The following ADD1 variants were observed in gnomAD, a reference collection of about 807,000 sequenced individuals.
ADD1 encodes alpha-adducin.
In ADD1, 24 loss-of-function variants were observed where a neutral mutation model predicts 80.5. That is an observed-to-expected ratio of 0.30 (90% CI 0.22 to 0.42). The LOEUF (loss-of-function observed/expected upper bound fraction) is 0.42, where lower values mean the gene tolerates loss of function less well. Ranked by LOEUF, ADD1 falls within the 10% of genes least tolerant of loss-of-function variation. ADD1 has a pLI of 1.00. For synonymous variants in ADD1, 373 were observed against 393.8 expected, an observed-to-expected ratio of 0.95 and a Z score of 0.63; for missense variants, 948 against 1,019.0, an observed-to-expected ratio of 0.93 and a Z score of 0.95.
intron 9 of ADD1, chr4:2,901,918 C>CTTTTTCTTTTTT (rs1736258255): frequency 1.4e-5 from 2 of 146,886 alleles, no homozygotes; most frequent in Non-Finnish European, 3.0e-5. Context: ...TATATATTTT[C>CTTTTTCTTTTTT]TCTTTCTTTT....
Position 2,911,023 on chromosome 4 carries a change from T to A in ADD1, c.1791+1592T>A, listed in dbSNP as rs539475821. Among the ~76,000 whole-genome samples the A allele has an allele frequency of 1.1e-4, 17 of 152,326 alleles. No homozygotes were observed. In the South Asian group the frequency reaches 2.9e-3, roughly 26 times the overall value. On this transcript the variant is annotated intron_variant, in intron 13 of 15. Transcript: ENST00000683351. ...ATGTGCTTTGGCTCCATGGGAGTCC[T>A]TTACTGGGCAATTGTTCCACTTCCT...
chr4:2,899,754 A>G (rs1272887687), intron 9 of ADD1: 7 of 396,608 alleles, frequency 1.8e-5, no homozygotes, highest in Admixed American at 7.6e-5. Context: ...CAAGCAAGCG[A>G]GAGAGGTGGC....
At chr4:2,922,246 C>A (rs936882428) in intron 14 of ADD1, among the ~76,000 whole-genome samples, 2 of 151,174 alleles carry the variant, frequency 1.3e-5, no homozygotes, top group African/African-American at 4.9e-5. Context: ...AGCCTTTTTG[C>A]ACTGGTTTTT....
chr4:2,856,528 A>G (rs982536911), intron 1 of ADD1, among the ~76,000 whole-genome samples: 1 of 136,310 alleles, frequency 7.3e-6, no homozygotes, highest in Non-Finnish European at 1.6e-5. Flanking sequence ...CTTTTGGAAT[A>G]TTTACTGTTC....
chr4:2,870,502 T>G (rs1017207663), intron 1 of ADD1, among the ~76,000 whole-genome samples: 2 of 151,778 alleles, frequency 1.3e-5, no homozygotes, highest in African/African-American at 4.8e-5. Context: ...GAGAGTGCTG[T>G]TCAGTCAGGA....
At chr4:2,888,649 C>T (rs181340487) in intron 4 of ADD1, among the ~76,000 whole-genome samples, 2 of 151,692 alleles carry the variant, frequency 1.3e-5, no homozygotes, top group Non-Finnish European at 2.9e-5. Flanking sequence ...AACTCCTGAC[C>T]TCAAGTGATC....
chr4:2,872,224 G>C (rs1180989188), intron 1 of ADD1, among the ~76,000 whole-genome samples: 1 of 152,130 alleles, frequency 6.6e-6, no homozygotes, highest in Non-Finnish European at 1.5e-5. Context: ...TGTTGTCTGT[G>C]TTTATTTGAA....
intron 1 of ADD1, among the ~76,000 whole-genome samples, chr4:2,868,877 A>G (rs994139448): frequency 1.3e-5 from 2 of 152,150 alleles, no homozygotes; most frequent in African/African-American, 4.8e-5. Context: ...TTCGAGTTGG[A>G]TATTGAGAAT....
At chr4:2,850,304 C>A (rs963108814) in intron 1 of ADD1, among the ~76,000 whole-genome samples, 2 of 152,240 alleles carry the variant, frequency 1.3e-5, no homozygotes, top group Non-Finnish European at 2.9e-5. Flanking sequence ...ATCTCACTCT[C>A]TTGCCCAGGC....
chr4:2,922,750 C>T (rs912264140), intron 14 of ADD1, among the ~76,000 whole-genome samples: 6 of 152,210 alleles, frequency 3.9e-5, no homozygotes, highest in African/African-American at 1.4e-4. Context: ...CAACCCTTCC[C>T]CCAGGTGCTC....
intron 4 of ADD1, among the ~76,000 whole-genome samples, chr4:2,884,872 T>G (rs1270400194): frequency 6.6e-6 from 1 of 152,208 alleles, no homozygotes; most frequent in Non-Finnish European, 1.5e-5. Context: ...CTTGAAAATT[T>G]CTTTCTTGCG....
chr4:2,890,058 G>A lies in ADD1; in HGVS notation c.511-3955G>A, dbSNP rs538317636. Among the ~76,000 whole-genome samples the A allele has an allele frequency of 2.4e-4, 36 of 151,770 alleles. No individual in the cohort carries two copies. In the South Asian group the frequency reaches 5.4e-3, roughly 23 times the overall value. On this transcript the variant is annotated intron_variant, in intron 4 of 15. Transcript: ENST00000683351. ...GCTAAAAATGCAAAATTAGCCAGGC[G>A]TGGTGGCGCGCACCTGTAATCCCAG... is the stretch of plus-strand genomic sequence containing the variant.
At chr4:2,875,486 A>G (rs914366370) in intron 1 of ADD1, among the ~76,000 whole-genome samples, 3 of 152,222 alleles carry the variant, frequency 2.0e-5, no homozygotes, top group African/African-American at 7.2e-5. Context: ...CTTATGGGAA[A>G]AAAAATCAGA....
At chr4:2,850,564 T>C (rs1726924117) in intron 1 of ADD1, among the ~76,000 whole-genome samples, 1 of 152,090 alleles carries the variant, frequency 6.6e-6, no homozygotes, top group Admixed American at 6.5e-5. Context: ...TAGCTGGGAC[T>C]ACAGGCGCCT....
intron 1 of ADD1, among the ~76,000 whole-genome samples, chr4:2,860,399 C>A (rs1033644861): frequency 1.5e-4 from 23 of 152,190 alleles, no homozygotes; most frequent in African/African-American, 5.3e-4. Flanking sequence ...GAGTGGCGAA[C>A]TTGTGAGTGA....
At chr4:2,864,577 T>C (rs1005175207) in intron 1 of ADD1, among the ~76,000 whole-genome samples, 3 of 152,218 alleles carry the variant, frequency 2.0e-5, no homozygotes, top group African/African-American at 4.8e-5. Flanking sequence ...TTTATTAGAA[T>C]GTATCTGAGA....
rs1335311890 is a variant in ADD1, at chr4:2,894,736, G to C, written c.741+5G>C. On this transcript the variant is annotated splice_donor_5th_base_variant and intron_variant, in intron 6 of 15. Coordinates refer to ENST00000683351, the MANE Select transcript of ADD1 (RefSeq NM_001354761.2). Reference sequence around the variant, plus strand: ...CACACCCCAGCAGGGGCTGCGGTGAGTGGCTGCCCTGGTAGCATCTCAAGG... The same window carrying C: ...CACACCCCAGCAGGGGCTGCGGTGACTGGCTGCCCTGGTAGCATCTCAAGG... The C allele has an allele frequency of 6.3e-7, 1 of 1,592,768 alleles. No individual in the cohort carries two copies. Among genetic ancestry groups the C allele is most frequent in the Non-Finnish European group, 8.5e-7 (1 of 1,173,798 alleles).
Position 2,926,092 on chromosome 4 carries a change from C to G in ADD1, c.2027C>G (p.Thr676Ser). The G allele has an allele frequency of 3.7e-6, 6 of 1,614,152 alleles. No individual in the cohort carries two copies. The highest frequency in any genetic ancestry group is 4.2e-6 in the Non-Finnish European group (5 of 1,179,996). The stretch of plus-strand genomic sequence containing the variant: ...GCGGTCCCCCACCCGCCTCCCAGCA[C>G]TCCCATCAAGCTGGAGGAAGGTGAG... The part of the protein sequence containing the change: ...QPAVPHPPPS[T>S]PIKLEEDLVP... Residue 676 changes from threonine to serine, a missense_variant, in exon 15 of 16, where the codon ACT becomes AGT. Transcript: ENST00000683351. The surrounding 1 kb of genome is among the most constrained non-coding windows in gnomAD (Gnocchi z 5.0).
At chr4:2,911,450 T>TA (rs67360075) in intron 13 of ADD1, among the ~76,000 whole-genome samples, 2,208 of 112,160 alleles carry the variant, frequency 0.02, 26 homozygotes, top group African/African-American at 0.028. Flanking sequence ...ATATATATAT[T>TA]TTTTTTTTTT....
Sources: allele counts gnomAD v4.1 joint callset (sites outside exome capture counted in the v4.1 genomes callset), GRCh38; gene constraint gnomAD v4.1.1; non-coding constraint Gnocchi (gnomAD v3.1); transcripts MANE v1.5; gene names NCBI Gene and HGNC (gene_info 2026-07-23, HGNC 2026-07-21).